TRIM55: variants seen among roughly 807,000 people sequenced by gnomAD.
The protein encoded by TRIM55 is tripartite motif containing 55.
In TRIM55, 50 loss-of-function variants were observed where a neutral mutation model predicts 60.9. The observed-to-expected ratio is 0.82, with a 90% CI of 0.65 to 1.04. The LOEUF (loss-of-function observed/expected upper bound fraction) is 1.04. Among genes scored for constraint, TRIM55 ranks in the 50% least tolerant of loss-of-function variants. The probability of loss-of-function intolerance (pLI) is 0.00; values close to 1 mark genes in which losing one functional copy is unlikely to be tolerated. For missense variants in TRIM55, 681 were observed against 666.9 expected, an observed-to-expected ratio of 1.02 and a Z score of -0.23; for synonymous variants, 237 against 238.1, an observed-to-expected ratio of 1.00 and a Z score of 0.04.
intron 2 of TRIM55, among the ~76,000 whole-genome samples, chr8:66,128,950 A>G (rs142455985): frequency 1.6e-3 from 245 of 152,338 alleles, no homozygotes; most frequent in Admixed American, 2.8e-3. Context: ...TGTTTGGATG[A>G]TAATAAAAAC....
the TRIM55 span, chr8:66,114,567 C>CT: frequency 2.2e-6 from 1 of 456,342 alleles, no homozygotes; most frequent in Non-Finnish European, 4.4e-6. Flanking sequence ...TCCAGGGACT[C>CT]ATCTGAGGCT....
chr8:66,151,682 A>C (rs1158869041), intron 7 of TRIM55, among the ~76,000 whole-genome samples: 1 of 151,898 alleles, frequency 6.6e-6, no homozygotes, highest in Non-Finnish European at 1.5e-5. Flanking sequence ...TCTCTACTAA[A>C]AATACAAAAA....
chr8:66,137,291 ATTCTTTGC>A, intron 4 of TRIM55, 101 bp downstream of exon 4: 1 of 811,606 alleles, frequency 1.2e-6, no homozygotes, highest in South Asian at 1.7e-5. Context: ...CTGACCTTTC[ATTCTTTGC>A]TTCTAGAATG....
At chr8:66,165,038 A>G (rs1811250790) in intron 9 of TRIM55, among the ~76,000 whole-genome samples, 1 of 152,094 alleles carries the variant, frequency 6.6e-6, no homozygotes, top group Non-Finnish European at 1.5e-5. Context: ...GGGGCTAGCA[A>G]AGCCTCTTTT....
chr8:66,126,647 A>G (rs557565637), upstream of TRIM55, among the ~76,000 whole-genome samples: 1 of 152,352 alleles, frequency 6.6e-6, no homozygotes, highest in South Asian at 2.1e-4. Context: ...TAACATTAAG[A>G]AAGTCTTTTT....
At chr8:66,133,702 G>T (rs10109794) in intron 2 of TRIM55, among the ~76,000 whole-genome samples, 11,327 of 152,150 alleles carry the variant, frequency 0.074, 654 homozygotes, top group African/African-American at 0.17. Context: ...AGTAATTGAC[G>T]TCCACCTAGC....
At chr8:66,145,634 C>T (rs889137845) in intron 4 of TRIM55, among the ~76,000 whole-genome samples, 6 of 151,838 alleles carry the variant, frequency 4.0e-5, no homozygotes, top group Admixed American at 2.0e-4. Flanking sequence ...AAAAAATCTA[C>T]CTTAAGCATA....
chr8:66,155,857 G>C (rs553853108), intron 9 of TRIM55: 1 of 631,242 alleles, frequency 1.6e-6, no homozygotes, highest in Non-Finnish European at 2.7e-6. Context: ...TATACTGGAG[G>C]CCTCAAGCTC....
intron 9 of TRIM55, among the ~76,000 whole-genome samples, chr8:66,166,674 A>T (rs747899056): frequency 6.6e-6 from 1 of 152,218 alleles, no homozygotes; most frequent in Non-Finnish European, 1.5e-5. Flanking sequence ...CTAGAGTAGG[A>T]ACTGTTAAAC....
intron 9 of TRIM55, among the ~76,000 whole-genome samples, chr8:66,169,075 GA>G (rs903502138): frequency 6.6e-6 from 1 of 152,158 alleles, no homozygotes; most frequent in Non-Finnish European, 1.5e-5. Flanking sequence ...GAAACTTAGA[GA>G]CTCAAAGGCA....
intron 9 of TRIM55, 95 bp downstream of exon 9, chr8:66,154,429 G>C (rs1810628506): frequency 1.5e-6 from 2 of 1,355,414 alleles, no homozygotes; most frequent in South Asian, 2.9e-5. Flanking sequence ...TTTCAAAGGG[G>C]CAGAGAGAAA....
intron 9 of TRIM55, among the ~76,000 whole-genome samples, chr8:66,167,159 T>C (rs1205039565): frequency 6.6e-6 from 1 of 152,212 alleles, no homozygotes; most frequent in Non-Finnish European, 1.5e-5. Context: ...CTGGTCTCTA[T>C]GAACAACTCT....
At chr8:66,158,455 G>A (rs1460723885) in intron 9 of TRIM55, among the ~76,000 whole-genome samples, 1 of 152,162 alleles carries the variant, frequency 6.6e-6, no homozygotes, top group Non-Finnish European at 1.5e-5. Context: ...AGACTGTGGG[G>A]ATCCAAAAGT....
intron 9 of TRIM55, among the ~76,000 whole-genome samples, chr8:66,162,230 G>T (rs1003105709): frequency 6.6e-6 from 1 of 151,970 alleles, no homozygotes; most frequent in African/African-American, 2.4e-5. Flanking sequence ...AATCATAAAG[G>T]GATGCTGGAT....
chr8:66,115,362 A>C, the TRIM55 span, among the ~76,000 whole-genome samples: 9 of 152,210 alleles, frequency 5.9e-5, no homozygotes, highest in Admixed American at 2.6e-4. Context: ...TAACATCAGG[A>C]TGTTCATAAA....
chr8:66,150,273 T>C, intron 6 of TRIM55, 34 bp downstream of exon 6: 1 of 1,613,082 alleles, frequency 6.2e-7, no homozygotes, highest in Non-Finnish European at 8.5e-7. Flanking sequence ...AAAATGCATA[T>C]TTTCACCTTT....
Position 66,150,204 on chromosome 8 carries a change from T to C in TRIM55, c.838-13T>C. On this transcript the variant is annotated splice_polypyrimidine_tract_variant and intron_variant, in intron 5 of 9. Coordinates refer to ENST00000315962, the MANE Select transcript of TRIM55 (RefSeq NM_184085.2). ...ATAATTTAAGTAAGACTATCTTTTG[T>C]TTGCTTTCACAGAATGCCAAAACCC... The C allele has an allele frequency of 6.2e-7, 1 of 1,611,800 alleles. No homozygotes were observed. Among genetic ancestry groups the C allele is most frequent in the Non-Finnish European group, 8.5e-7 (1 of 1,178,856 alleles).
intron 9 of TRIM55, among the ~76,000 whole-genome samples, chr8:66,158,207 G>A (rs1424772397): frequency 1.4e-5 from 2 of 143,712 alleles, no homozygotes; most frequent in Non-Finnish European, 3.0e-5. Flanking sequence ...ACACACTGCA[G>A]CCAGAGCCAA....
intron 9 of TRIM55, among the ~76,000 whole-genome samples, chr8:66,170,311 A>G (rs1811552304): frequency 6.6e-6 from 1 of 152,172 alleles, no homozygotes; most frequent in African/African-American, 2.4e-5. Flanking sequence ...ATCTAGATAC[A>G]TCATGTAAGT....
Sources: gnomAD v4.1 joint callset for allele counts (sites outside exome capture counted in the v4.1 genomes callset) on GRCh38, gnomAD v4.1.1 for gene constraint, MANE v1.5 for transcripts, NCBI Gene and HGNC (gene_info 2026-07-23, HGNC 2026-07-21) for gene names.